BLTP3A: variants seen among roughly 807,000 people sequenced by gnomAD.
BLTP3A encodes bridge-like lipid transfer protein family member 3A.
chr6:34,841,627 C>T, the BLTP3A span, among the ~76,000 whole-genome samples: 24 of 152,302 alleles, frequency 1.6e-4, no homozygotes, highest in African/African-American at 5.1e-4. Context: ...TTGAAGGCCA[C>T]ACCTGGATGT....
At chr6:34,811,496 G>A in the BLTP3A span, among the ~76,000 whole-genome samples, 1 of 152,124 alleles carries the variant, frequency 6.6e-6, no homozygotes, top group Non-Finnish European at 1.5e-5. Context: ...CACTTTGTGA[G>A]GCTGAAATGG....
At chr6:34,807,429 T>C in the BLTP3A span, among the ~76,000 whole-genome samples, 1 of 152,330 alleles carries the variant, frequency 6.6e-6, no homozygotes. Flanking sequence ...TATTCACTTC[T>C]AGGAAAGAAG....
At chr6:34,828,964 T>G in the BLTP3A span, among the ~76,000 whole-genome samples, 2 of 131,522 alleles carry the variant, frequency 1.5e-5, no homozygotes, top group Middle Eastern at 4.6e-3. Context: ...GAGGCAGAGC[T>G]TGCAGTGAGC....
the BLTP3A span, chr6:34,821,954 TG>T: frequency 6.2e-7 from 1 of 1,614,234 alleles, no homozygotes; most frequent in Non-Finnish European, 8.5e-7. Flanking sequence ...CCTATTTGCT[TG>T]GTAATGACCT....
the BLTP3A span, chr6:34,792,435 G>A: frequency 7.1e-6 from 6 of 846,726 alleles, no homozygotes; most frequent in Non-Finnish European, 6.6e-6. Context: ...TGCCTAACTC[G>A]AGCCCGGACA....
At chr6:34,821,414 A>ATATCTC in the BLTP3A span, 1 of 456,682 alleles carries the variant, frequency 2.2e-6, no homozygotes, top group Non-Finnish European at 4.0e-6. Flanking sequence ...TATATGGTGT[A>ATATCTC]GAGATGGTGT....
At chr6:34,823,129 G>T in the BLTP3A span, 2 of 717,136 alleles carry the variant, frequency 2.8e-6, no homozygotes, top group East Asian at 2.6e-5. Context: ...AATATTTATT[G>T]TCTGCCCACA....
the BLTP3A span, among the ~76,000 whole-genome samples, chr6:34,801,584 C>G: frequency 6.6e-6 from 1 of 151,998 alleles, no homozygotes; most frequent in East Asian, 1.9e-4. Context: ...AAGCATTGTC[C>G]CTTGTCCTTT....
At chr6:34,812,196 C>A in the BLTP3A span, among the ~76,000 whole-genome samples, 1 of 151,078 alleles carries the variant, frequency 6.6e-6, no homozygotes, top group African/African-American at 2.4e-5. Flanking sequence ...GGCATGGTGG[C>A]GGGTGCCTGT....
the BLTP3A span, among the ~76,000 whole-genome samples, chr6:34,829,246 G>T: frequency 6.6e-6 from 1 of 151,944 alleles, no homozygotes; most frequent in Non-Finnish European, 1.5e-5. Flanking sequence ...ATACATATTA[G>T]CAGTCACTCC....
chr6:34,849,821 A>T, the BLTP3A span, among the ~76,000 whole-genome samples: 2 of 152,136 alleles, frequency 1.3e-5, no homozygotes, highest in African/African-American at 4.8e-5. Context: ...GCATATTTTC[A>T]TGGATATACT....
chr6:34,818,503 G>A, the BLTP3A span, among the ~76,000 whole-genome samples: 1 of 151,742 alleles, frequency 6.6e-6, no homozygotes, highest in South Asian at 2.1e-4. Flanking sequence ...ACTCAATGGA[G>A]GAATAGCATT....
At chr6:34,856,557 C>A in the BLTP3A span, 1 of 1,168,506 alleles carries the variant, frequency 8.6e-7, no homozygotes, top group Non-Finnish European at 1.2e-6. Context: ...ACAGAGACCT[C>A]TTTGACTCCA....
the BLTP3A span, among the ~76,000 whole-genome samples, chr6:34,851,872 T>C: frequency 1.3e-5 from 2 of 152,120 alleles, no homozygotes; most frequent in Non-Finnish European, 2.9e-5. Flanking sequence ...CCTTTCCTTA[T>C]ACAGAAGGAA....
the BLTP3A span, among the ~76,000 whole-genome samples, chr6:34,841,092 C>T: frequency 6.6e-6 from 1 of 152,190 alleles, no homozygotes; most frequent in Non-Finnish European, 1.5e-5. Flanking sequence ...GCCTAAGCCG[C>T]CTGGGTAGCT....
the BLTP3A span, among the ~76,000 whole-genome samples, chr6:34,869,359 C>G: frequency 2.6e-5 from 4 of 152,038 alleles, no homozygotes; most frequent in Admixed American, 6.6e-5. Context: ...TCTGGGAGTC[C>G]CTCTCCTGAA....
chr6:34,874,376 A>T, the BLTP3A span: 1 of 152,186 alleles, frequency 6.6e-6, no homozygotes, highest in South Asian at 2.1e-4. Context: ...AAAATACAAA[A>T]ATTAGCTGGG....
chr6:34,821,644 T>G, the BLTP3A span: 295 of 1,600,802 alleles, frequency 1.8e-4, no homozygotes, highest in Non-Finnish European at 2.4e-4. Flanking sequence ...TTATCATTAC[T>G]CTTTTCAGGT....
At chr6:34,842,472 T>C in the BLTP3A span, among the ~76,000 whole-genome samples, 1 of 152,172 alleles carries the variant, frequency 6.6e-6, no homozygotes, top group Non-Finnish European at 1.5e-5. Context: ...TTTTTGATAT[T>C]TGCCTATTCT....
Sources: gnomAD v4.1 joint callset for allele counts (sites outside exome capture counted in the v4.1 genomes callset) on GRCh38, gnomAD v4.1.1 for gene constraint, MANE v1.5 for transcripts, NCBI Gene and HGNC (gene_info 2026-07-23, HGNC 2026-07-21) for gene names.